FLYWCH2: variants seen among roughly 807,000 people sequenced by gnomAD.
FLYWCH2 encodes the protein FLYWCH family member 2.
A neutral mutation model predicts 6.0 loss-of-function variants in FLYWCH2; 2 were observed. The observed-to-expected ratio is 0.33, with a 90% CI of 0.14 to 1.04. The LOEUF is 1.04. FLYWCH2 is among the 50% of genes least tolerant of loss of function. FLYWCH2 has a pLI of 0.45. For missense variants in FLYWCH2, 192 were observed against 183.4 expected (o/e 1.05, Z -0.27); for synonymous variants, 87 against 79.3 (o/e 1.10, Z -0.52).
rs140539540 is a variant in FLYWCH2 at position 2,896,625 on chromosome 16, G to A, written c.176G>A (p.Arg59His). 8.8e-5 allele frequency: 142 copies of A among 1,613,820 alleles called. No individual in the cohort carries two copies. The highest frequency in any genetic ancestry group is 1.1e-4 in the Non-Finnish European group (135 of 1,179,992). The change falls in exon 3 of 4, where the codon CGC becomes CAC. Residue 59 changes from arginine (R) to histidine (H), a missense_variant. By Grantham distance (29) the Arg-to-His change is conservative (BLOSUM62 0). Transcript: ENST00000396958. ...AGCACCAAGGTGGCGGGGGCCAAGC[G>A]CAAGGGTGTGCACTGTGTCATGTCC... ...KDSTKVAGAK[R>H]KGVHCVMSLG...
intron 1 of FLYWCH2, among the ~76,000 whole-genome samples, chr16:2,892,328 C>G (rs575839837): frequency 6.6e-6 from 1 of 150,986 alleles, no homozygotes; most frequent in South Asian, 2.1e-4. Context: ...AACCCCATCT[C>G]CACTAAAAAT....
chr16:2,896,601 G>T lies in FLYWCH2; in HGVS notation c.152G>T (p.Ser51Ile). The T allele has an allele frequency of 6.2e-7, 1 of 1,614,172 alleles. No individual in the cohort carries two copies. The highest frequency in any genetic ancestry group is 8.5e-7 in the Non-Finnish European group (1 of 1,180,016). ...GTCCTGCTCACAGCCTCCAAAGACAGCACCAAGGTGGCGGGGGCCAAGCGC... is the reference window on the plus strand; with the variant it reads ...GTCCTGCTCACAGCCTCCAAAGACATCACCAAGGTGGCGGGGGCCAAGCGC... ...KLVLLTASKDSTKVAGAKRKG... is the reference protein window; with the variant it reads ...KLVLLTASKDITKVAGAKRKG... The change falls in exon 3 of 4, where the codon AGC becomes ATC. Residue 51 changes from serine (S) to isoleucine (I), a missense_variant. Ser to Ile is a moderately radical substitution (Grantham distance 142). Coordinates refer to ENST00000396958, the MANE Select transcript of FLYWCH2 (RefSeq NM_138439.3).
At chr16:2,890,236 T>TG (rs1567303873) in intron 1 of FLYWCH2, among the ~76,000 whole-genome samples, 2 of 145,916 alleles carry the variant, frequency 1.4e-5, no homozygotes, top group African/African-American at 5.6e-5. Flanking sequence ...TTGTTTTTTT[T>TG]TTTTTGTTTT....
At chr16:2,888,655 C>T (rs1269482510) in intron 1 of FLYWCH2, among the ~76,000 whole-genome samples, 1 of 152,036 alleles carries the variant, frequency 6.6e-6, no homozygotes, top group Admixed American at 6.6e-5. Context: ...CTTGGGGAAC[C>T]TGAAGCCCAG....
Position 2,895,301 on chromosome 16 carries a change from A to C in FLYWCH2, c.-118A>C, listed in dbSNP as rs973065705. 3 of 152,328 alleles carry C rather than the reference A, an allele frequency of 2.0e-5. No homozygotes were observed. Among genetic ancestry groups the C allele is most frequent in the Non-Finnish European group, 2.9e-5 (2 of 68,132 alleles). The allele number at this position is 152,328 out of a possible 1,614,324, so 9.4% of individuals were successfully genotyped here. A position where few individuals can be genotyped will look rare whatever the true frequency, so the allele number is the denominator to read the frequency against. ...GTCCCCACCCAGCCAGGGCAGCGCC[A>C]GCACTAGCTCAGACGCAAGGTTGGT... On this transcript the variant is annotated 5_prime_UTR_variant, in exon 2 of 4. Transcript: ENST00000396958.
At chr16:2,889,343 T>C (rs2069731396) in intron 1 of FLYWCH2, among the ~76,000 whole-genome samples, 2 of 151,090 alleles carry the variant, frequency 1.3e-5, no homozygotes, top group African/African-American at 4.9e-5. Context: ...CCCGAGTAGC[T>C]GGGACTACAG....
At position 2,893,928 on chromosome 16, in the gene FLYWCH2, G is replaced by A. The variant is rs558640350; in HGVS notation, c.-199-1292G>A. Among the ~76,000 whole-genome samples the A allele has an allele frequency of 1.6e-3, 244 of 152,248 alleles. 1 individual carries two copies. The highest frequency in any genetic ancestry group is 4.1e-3 in the South Asian group (20 of 4,824). ...GCTGGGATTACAAGCGTGAGCCACC[G>A]CGCCCGGCCCCTTTGGGGCCCTTTT... is the stretch of plus-strand genomic sequence containing the variant. On this transcript the variant is annotated intron_variant, in intron 1 of 3. Coordinates refer to ENST00000396958, the MANE Select transcript of FLYWCH2 (RefSeq NM_138439.3).
At chr16:2,898,789 G>T (rs1026435734) in intron 3 of FLYWCH2, 1 of 366,708 alleles carries the variant, frequency 2.7e-6, no homozygotes, top group Admixed American at 4.8e-5. Flanking sequence ...CAGCAGAGGC[G>T]ATGGCTGCGG....
intron 1 of FLYWCH2, among the ~76,000 whole-genome samples, chr16:2,886,230 CAGTGCAGTGT>C (rs1350151298): frequency 1.3e-5 from 2 of 151,742 alleles, no homozygotes; most frequent in South Asian, 4.1e-4. Flanking sequence ...GCCCAGGCTG[CAGTGCAGTGT>C]AGTGCAGTGG....
rs145322044 is a variant in FLYWCH2, at chr16:2,889,759, T to G, written c.-199-5461T>G. ...CTTCCCCACCCCCAGCTTCCCCTCA[T>G]GTTAACATCTCATATAATAAATTAT... On this transcript the variant is annotated intron_variant, in intron 1 of 3. Coordinates refer to ENST00000396958, the MANE Select transcript of FLYWCH2 (RefSeq NM_138439.3). 4.9e-3 allele frequency among the ~76,000 whole-genome samples: 739 copies of G among 152,194 alleles called. 8 individuals carry two copies. The highest frequency in any genetic ancestry group is 0.016 in the African/African-American group (659 of 41,526).
intron 3 of FLYWCH2, chr16:2,898,712 A>G (rs2069849743): frequency 4.3e-6 from 1 of 232,768 alleles, no homozygotes; most frequent in South Asian, 1.1e-4. Flanking sequence ...TCCCGCAGGC[A>G]ATCACCCTCA....
intron 1 of FLYWCH2, among the ~76,000 whole-genome samples, chr16:2,885,129 T>G (rs1043601694): frequency 2.6e-5 from 4 of 152,242 alleles, no homozygotes; most frequent in African/African-American, 9.6e-5. Context: ...GAGACCATCC[T>G]GGCTAACACG....
intron 1 of FLYWCH2, among the ~76,000 whole-genome samples, chr16:2,889,412 G>A (rs1298805304): frequency 2.0e-5 from 3 of 151,354 alleles, no homozygotes; most frequent in Non-Finnish European, 4.4e-5. Flanking sequence ...GCATTTCACC[G>A]TGTTAGCCAG....
intron 1 of FLYWCH2, 80 bp downstream of exon 1, chr16:2,883,446 C>A (rs1283546171): frequency 6.6e-6 from 1 of 152,374 alleles, no homozygotes. Context: ...TCTCGGGGGT[C>A]CCGAGGGCTG....
chr16:2,890,211 T>C (rs928894818), intron 1 of FLYWCH2, among the ~76,000 whole-genome samples: 1 of 141,740 alleles, frequency 7.1e-6, no homozygotes, highest in African/African-American at 2.7e-5. Flanking sequence ...TGTGCGTGTG[T>C]GTGTTTTTTT....
At chr16:2,896,945 G>C in intron 3 of FLYWCH2, 174 bp downstream of exon 3, 1 of 660,586 alleles carries the variant, frequency 1.5e-6, no homozygotes, top group South Asian at 1.9e-5. Flanking sequence ...GGCATCCGCC[G>C]ACCTCCAACC....
rs184718174 is a variant in FLYWCH2 at position 2,893,762 on chromosome 16, C to T, written c.-199-1458C>T. 7.4e-3 allele frequency among the ~76,000 whole-genome samples: 1,122 copies of T among 151,882 alleles called. 9 individuals carry two copies. Among genetic ancestry groups the T allele is most frequent in the African/African-American group, 0.026 (1,068 of 41,422 alleles). On this transcript the variant is annotated intron_variant, in intron 1 of 3. Coordinates refer to ENST00000396958, the MANE Select transcript of FLYWCH2 (RefSeq NM_138439.3). Reference sequence around the variant, plus strand: ...ACGCCATTCTCCTGCCTCAGCCTCCCGAGTAGCTGGGATTACGGGCGCCCG... The same window carrying T: ...ACGCCATTCTCCTGCCTCAGCCTCCTGAGTAGCTGGGATTACGGGCGCCCG...
chr16:2,897,334 C>G (rs918841668), intron 3 of FLYWCH2, among the ~76,000 whole-genome samples: 5 of 152,182 alleles, frequency 3.3e-5, no homozygotes. Flanking sequence ...CTCCTCTGCA[C>G]AATCACCCCC....
chr16:2,883,655 C>G (rs1464132559), intron 1 of FLYWCH2, among the ~76,000 whole-genome samples: 2 of 152,226 alleles, frequency 1.3e-5, no homozygotes, highest in Non-Finnish European at 2.9e-5. Context: ...GCTGCCTTCC[C>G]GGCACCCCCC....
Sources: gnomAD v4.1 joint callset for allele counts (sites outside exome capture counted in the v4.1 genomes callset) on GRCh38, gnomAD v4.1.1 for gene constraint, MANE v1.5 for transcripts, NCBI Gene and HGNC (gene_info 2026-07-23, HGNC 2026-07-21) for gene names.